MMP28: variants seen among roughly 807,000 people sequenced by gnomAD.
The protein encoded by MMP28 is matrix metallopeptidase 28.
MMP28 carries 55 observed loss-of-function variants against 60.5 expected under a neutral mutation model. That is an observed-to-expected ratio of 0.91 (90% CI 0.73 to 1.14). MMP28 has a LOEUF of 1.14. Ranked by LOEUF, MMP28 falls within the 50% of genes most tolerant of loss-of-function variation. MMP28 has a pLI of 0.00. For missense variants in MMP28, 686 were observed against 738.3 expected (o/e 0.93, Z 0.82); for synonymous variants, 318 against 312.5 (o/e 1.02, Z -0.18).
intron 1 of MMP28, among the ~76,000 whole-genome samples, chr17:35,792,497 C>G (rs1291850411): frequency 1.3e-5 from 2 of 152,208 alleles, no homozygotes; most frequent in Admixed American, 6.5e-5. Flanking sequence ...AGAATGGAGA[C>G]AAGCTGCACT....
At chr17:35,788,767 G>A (rs1039924710) in intron 1 of MMP28, among the ~76,000 whole-genome samples, 1 of 152,086 alleles carries the variant, frequency 6.6e-6, no homozygotes, top group Non-Finnish European at 1.5e-5. Flanking sequence ...ACCACCCAGT[G>A]GAAGGCAGGT....
At chr17:35,761,275 TG>T (rs1285846133), downstream of MMP28, among the ~76,000 whole-genome samples, 1 of 151,586 alleles carries the variant, frequency 6.6e-6, no homozygotes, top group Non-Finnish European at 1.5e-5. Context: ...AGCTAATTTT[TG>T]TATTTTGTAT....
At chr17:35,761,096 T>A, downstream of MMP28, 1 of 791,924 alleles carries the variant, frequency 1.3e-6, no homozygotes. Flanking sequence ...TTCGCCTTCC[T>A]GAATTTTTTT....
At chr17:35,765,442 G>A (rs1555602702), downstream of MMP28, among the ~76,000 whole-genome samples, 2 of 152,202 alleles carry the variant, frequency 1.3e-5, no homozygotes, top group Non-Finnish European at 2.9e-5. Flanking sequence ...CAGAAGACAG[G>A]GAGGCTGGGG....
At chr17:35,756,264 G>A in exon 3 of MMP28, 1 of 350,554 alleles carries the variant, frequency 2.9e-6, no homozygotes, top group Non-Finnish European at 4.0e-6. Context: ...CAAAAGAAAT[G>A]TTTATTTCCC....
At chr17:35,758,078 G>GA (rs2085760335) in intron 2 of MMP28, 1 of 152,128 alleles carries the variant, frequency 6.6e-6, no homozygotes, top group Admixed American at 6.5e-5. Flanking sequence ...AGTTTAATAT[G>GA]AAAAAATTGT....
rs746431816 is a variant in MMP28 at position 35,768,354 on chromosome 17, G to A, written c.876C>T (p.Ala292=). 1.9e-5 allele frequency: 30 copies of A among 1,611,340 alleles called. No homozygotes were observed. Among genetic ancestry groups the A allele is most frequent in the Non-Finnish European group, 2.2e-5 (26 of 1,178,882 alleles). ...LYGKPLGGSV[A]VQLPGKLFTD... ...TGAACAGCTTTCCTGGGAGCTGGAC[G>A]GCCACTGAGCCCCCTAGGGGCTTCC... The change falls in exon 6 of 8, where the codon GCC becomes GCT. Residue 292 remains alanine (A), a synonymous_variant. Transcript: ENST00000605424.
chr17:35,785,499 G>T (rs551882961), intron 1 of MMP28, among the ~76,000 whole-genome samples: 94 of 152,256 alleles, frequency 6.2e-4, no homozygotes, highest in South Asian at 1.5e-3. Flanking sequence ...CCAGGCTGGA[G>T]TGCAGTGGCG....
At chr17:35,764,196 T>A, downstream of MMP28, 1 of 1,547,890 alleles carries the variant, frequency 6.5e-7, no homozygotes, top group Non-Finnish European at 8.7e-7. Context: ...CGGCGCTCAG[T>A]GTCCTACTGC....
chr17:35,773,395 C>G lies in MMP28; in HGVS notation c.389G>C (p.Trp130Ser). The G allele has an allele frequency of 1.3e-6, 2 of 1,593,722 alleles. No individual in the cohort carries two copies. Among genetic ancestry groups the G allele is most frequent in the Middle Eastern group, 1.7e-4 (1 of 6,032 alleles). The change falls in exon 4 of 8, where the codon TGG (tryptophan) becomes TCG (serine). Residue 130 changes from tryptophan (W) to serine (S), a missense_variant. By Grantham distance (177) the Trp-to-Ser change is radical. Coordinates refer to ENST00000605424, the MANE Select transcript of MMP28 (RefSeq NM_024302.5). ...GCGGTAGGAGAGGTGCTGCTTGTAC[C>G]ATTTGTTACCTGCCACCCAGAAAGC... ...KKRFAKQGNK[W>S]YKQHLSYRLV...
At chr17:35,768,084 G>T in intron 6 of MMP28, 146 bp downstream of exon 6, 2 of 1,266,932 alleles carry the variant, frequency 1.6e-6, no homozygotes, top group East Asian at 2.4e-5. Flanking sequence ...GTGTTTTGCT[G>T]GGTGTGGGGT....
Position 35,768,181 on chromosome 17 carries a change from G to A in MMP28, c.1000+49C>T, listed in dbSNP as rs1555604206. 3.9e-6 allele frequency: 6 copies of A among 1,550,890 alleles called. No homozygotes were observed. In the South Asian group the frequency reaches 6.1e-5, roughly 16 times the overall value. ...TGTACTGCAGCTCTGGAGACACTAA[G>A]AGATATGGAAGGAGAGAAAGAAGCA... On this transcript the variant is annotated intron_variant, in intron 6 of 7. Coordinates refer to ENST00000605424, the MANE Select transcript of MMP28 (RefSeq NM_024302.5).
At chr17:35,767,655 G>C (rs1598418453) in intron 7 of MMP28, 97 bp downstream of exon 7, 4 of 1,399,070 alleles carry the variant, frequency 2.9e-6, no homozygotes, top group East Asian at 2.5e-5. Flanking sequence ...CCATGGACTC[G>C]TGTGAGAGTC....
chr17:35,777,007 G>A (rs761216732), intron 3 of MMP28, among the ~76,000 whole-genome samples: 36 of 152,192 alleles, frequency 2.4e-4, no homozygotes, highest in Admixed American at 3.9e-4. Flanking sequence ...AAGCAGCCCC[G>A]GAGCTCAGGT....
chr17:35,760,379 C>T (rs375205354), intron 2 of MMP28, among the ~76,000 whole-genome samples: 4 of 152,332 alleles, frequency 2.6e-5, no homozygotes, highest in African/African-American at 9.6e-5. Context: ...TACCCGAGTC[C>T]TACTTCCTAC....
In MMP28 at chr17:35,795,296, C is replaced by A. The variant is rs201598708; in HGVS notation, c.82G>T (p.Gly28Ter). The change falls in exon 1 of 8, where the codon GGA becomes TGA. Residue 28 changes from glycine to a stop codon, truncating the protein, a stop_gained. Coordinates refer to ENST00000605424, the MANE Select transcript of MMP28 (RefSeq NM_024302.5). LOFTEE classifies it high-confidence loss of function. ...GHLDAQPAERGGQELRKEAEA... is the reference protein window; with the variant it reads ...GHLDAQPAER ...GCCTCCTTGCGCAGCTCCTGGCCTC[C>A]GCGCTCCGCGGGCTGGGCGTCCAGG... The A allele has an allele frequency of 1.4e-6, 2 of 1,464,084 alleles. No homozygotes were observed. Among genetic ancestry groups the A allele is most frequent in the African/African-American group, 2.9e-5 (2 of 68,272 alleles). 90.7% of individuals were successfully genotyped at this position (1,464,084 alleles called of 1,614,324 possible).
At chr17:35,756,679 G>C (rs1191472940) in intron 2 of MMP28, among the ~76,000 whole-genome samples, 4 of 151,642 alleles carry the variant, frequency 2.6e-5, no homozygotes, top group Non-Finnish European at 5.9e-5. Context: ...TGTTGGCCAG[G>C]GTGGTCTCGA....
chr17:35,764,189 C>T (rs1555602166), downstream of MMP28: 3 of 1,548,086 alleles, frequency 1.9e-6, 1 homozygote, highest in South Asian at 2.4e-5. Flanking sequence ...CCGCGAGCGG[C>T]GCTCAGTGTC....
intron 4 of MMP28, among the ~76,000 whole-genome samples, chr17:35,770,895 C>T (rs923350747): frequency 6.6e-6 from 1 of 151,892 alleles, no homozygotes; most frequent in Non-Finnish European, 1.5e-5. Context: ...CACTAAAAAA[C>T]AAAAACATTA....
Sources: allele counts gnomAD v4.1 joint callset (sites outside exome capture counted in the v4.1 genomes callset), GRCh38; gene constraint gnomAD v4.1.1; transcripts MANE v1.5; gene names NCBI Gene and HGNC (gene_info 2026-07-23, HGNC 2026-07-21).